Variants in ENAH observed in about 807,000 individuals in gnomAD.
ENAH encodes the protein ENAH actin regulator, also known as protein enabled homolog.
Under a neutral mutation model 78.7 loss-of-function variants are expected in ENAH, and 23 were observed. That is an observed-to-expected ratio of 0.29 (90% confidence interval 0.21 to 0.41). The LOEUF (loss-of-function observed/expected upper bound fraction) is 0.41, where lower values mean the gene tolerates loss of function less well. ENAH is among the 10% of genes least tolerant of loss of function. ENAH has a pLI of 1.00. For missense variants in ENAH, 544 were observed against 691.0 expected (o/e 0.79, Z 2.39); for synonymous variants, 226 against 241.0 (o/e 0.94, Z 0.58).
rs1368051483 is a variant in ENAH at position 225,496,729 on chromosome 1, T to A, written c.*1046A>T. The A allele has an allele frequency of 6.6e-5, 10 of 152,042 alleles. No individual in the cohort carries two copies. Among genetic ancestry groups the A allele is most frequent in the Admixed American group, 5.9e-4 (9 of 15,244 alleles). The allele number at this position is 152,042 out of a possible 1,614,324, so 9.4% of individuals were successfully genotyped here. A position where few individuals can be genotyped will look rare whatever the true frequency, so the allele number is the denominator to read the frequency against. On this transcript the variant is annotated 3_prime_UTR_variant, in exon 14 of 14. Transcript: ENST00000366843. ...AATTAAAGTCACAAAATATTTCTCA[T>A]TATTTATTCATGCAGGTAACTGAGA...
In ENAH at chr1:225,641,117, C is replaced by T. The variant is rs181505500; in HGVS notation, c.5+11569G>A. ...TGACCTCGTGATCCACCCGCCTCAGCCTCCCAAAGTGCTGGGATTACAGGC... is the reference window on the plus strand; with the variant it reads ...TGACCTCGTGATCCACCCGCCTCAGTCTCCCAAAGTGCTGGGATTACAGGC... On this transcript the variant is annotated intron_variant, in intron 1 of 13. Coordinates refer to ENST00000366843, the MANE Select transcript of ENAH (RefSeq NM_018212.6). Among the ~76,000 whole-genome samples, 427 of 151,930 alleles carry T rather than the reference C, an allele frequency of 2.8e-3. 1 individual carries two copies. Among genetic ancestry groups the T allele is most frequent in the African/African-American group, 9.5e-3 (394 of 41,460 alleles).
At chr1:225,644,292 AATTG>A (rs1661572203) in intron 1 of ENAH, among the ~76,000 whole-genome samples, 1 of 152,218 alleles carries the variant, frequency 6.6e-6, no homozygotes. Context: ...GGACAACAGT[AATTG>A]ATTTATTTTT....
chr1:225,548,189 T>C (rs1311935209), intron 3 of ENAH, among the ~76,000 whole-genome samples: 2 of 148,896 alleles, frequency 1.3e-5, no homozygotes, highest in African/African-American at 4.9e-5. Context: ...TCTAAGTTAA[T>C]CCATATAGAA....
chr1:225,646,705 T>C (rs950802111), intron 1 of ENAH, among the ~76,000 whole-genome samples: 1 of 151,152 alleles, frequency 6.6e-6, no homozygotes, highest in African/African-American at 2.4e-5. Flanking sequence ...AGGAGAATGG[T>C]GTGAACCCGG....
At chr1:225,606,026 T>G (rs2148056128) in intron 1 of ENAH, among the ~76,000 whole-genome samples, 1 of 152,268 alleles carries the variant, frequency 6.6e-6, no homozygotes, top group African/African-American at 2.4e-5. Context: ...AACCTAAACC[T>G]CACATTCCCC....
Position 225,574,558 on chromosome 1 carries a change from C to T in ENAH, c.6-7144G>A, listed in dbSNP as rs533491769. ...CAGAGGTTGCCGTGAGCCAACAGTA[C>T]GCCACTGCACTCCAGCCTGGGTGAC... On this transcript the variant is annotated intron_variant, in intron 1 of 13. Transcript: ENST00000366843. Among the ~76,000 whole-genome samples the T allele has an allele frequency of 2.4e-4, 37 of 151,666 alleles. No homozygotes were observed. In the South Asian group the frequency reaches 6.7e-3, roughly 27 times the overall value.
intron 6 of ENAH, among the ~76,000 whole-genome samples, chr1:225,516,818 G>A (rs2096421402): frequency 1.3e-5 from 2 of 150,928 alleles, no homozygotes; most frequent in Admixed American, 1.3e-4. Context: ...AGGTTGCAGT[G>A]AGCTGAGATC....
intron 1 of ENAH, among the ~76,000 whole-genome samples, chr1:225,629,747 CA>C (rs994495691): frequency 1.3e-5 from 2 of 152,146 alleles, no homozygotes; most frequent in African/African-American, 4.8e-5. Context: ...TGACTCCTTG[CA>C]ATGTTTTTCT....
intron 1 of ENAH, among the ~76,000 whole-genome samples, chr1:225,585,511 G>T (rs188793978): frequency 5.3e-5 from 8 of 152,174 alleles, no homozygotes; most frequent in African/African-American, 1.9e-4. Context: ...AAATTGCCCA[G>T]GTGCAGTGGC....
chr1:225,506,179 G>C (rs1171077881), intron 11 of ENAH, among the ~76,000 whole-genome samples: 2 of 152,116 alleles, frequency 1.3e-5, no homozygotes, highest in Non-Finnish European at 2.9e-5. Context: ...GTGAAATGCA[G>C]ATCAATGAAG....
At chr1:225,540,209 C>T (rs1255885235) in intron 3 of ENAH, among the ~76,000 whole-genome samples, 1 of 151,950 alleles carries the variant, frequency 6.6e-6, no homozygotes, top group Non-Finnish European at 1.5e-5. Flanking sequence ...AGAAAATAAA[C>T]CTGGAATAGC....
intron 3 of ENAH, among the ~76,000 whole-genome samples, chr1:225,535,348 A>G (rs2096556598): frequency 6.6e-6 from 1 of 152,180 alleles, no homozygotes; most frequent in Admixed American, 6.5e-5. Flanking sequence ...CAAATCACCT[A>G]CATGAACCAC....
At chr1:225,580,524 TAC>T (rs2096810872) in intron 1 of ENAH, among the ~76,000 whole-genome samples, 1 of 152,082 alleles carries the variant, frequency 6.6e-6, no homozygotes, top group African/African-American at 2.4e-5. Flanking sequence ...GTGTAATAAA[TAC>T]GTGACGTTTT....
At chr1:225,645,806 A>G (rs1661852586) in intron 1 of ENAH, among the ~76,000 whole-genome samples, 1 of 152,202 alleles carries the variant, frequency 6.6e-6, no homozygotes, top group Admixed American at 6.5e-5. Flanking sequence ...TTTATAACCC[A>G]CTCAAAAATA....
chr1:225,580,271 C>T (rs1407355376), intron 1 of ENAH: 2 of 152,012 alleles, frequency 1.3e-5, no homozygotes, highest in African/African-American at 2.4e-5. Context: ...TAGCTTGCCA[C>T]CACCTTATGG....
intron 11 of ENAH, among the ~76,000 whole-genome samples, chr1:225,501,693 A>G (rs1202177468): frequency 6.6e-6 from 1 of 152,216 alleles, no homozygotes; most frequent in Non-Finnish European, 1.5e-5. Context: ...TGAAATTTTT[A>G]TGGAGACGTC....
chr1:225,501,218 G>A, intron 11 of ENAH, 148 bp from the exon 12 acceptor site: 1 of 559,900 alleles, frequency 1.8e-6, no homozygotes, highest in African/African-American at 1.9e-5. Context: ...AAAATTGTAG[G>A]GCTGATTAGA....
In ENAH at chr1:225,496,809, C is replaced by CGGGA. The variant is rs1215334957; in HGVS notation, c.*965_*966insTCCC. 1 of 152,586 alleles carries CGGGA rather than the reference C, an allele frequency of 6.6e-6. No individual in the cohort carries two copies. Among genetic ancestry groups the CGGGA allele is most frequent in the Admixed American group, 6.5e-5 (1 of 15,278 alleles). The allele number at this position is 152,586 out of a possible 1,614,324, so 9.5% of individuals were successfully genotyped here. ...AAAAAATTATTCCTCCCCTTCCTCCCACTCCCCTATACTCTACAAAATGTT... is the reference window on the plus strand; with the variant it reads ...AAAAAATTATTCCTCCCCTTCCTCCCGGGAACTCCCCTATACTCTACAAAATGTT... On this transcript the variant is annotated 3_prime_UTR_variant, in exon 14 of 14. Transcript: ENST00000366843.
chr1:225,504,182 T>TA (rs1389963792), intron 11 of ENAH, among the ~76,000 whole-genome samples: 1 of 151,956 alleles, frequency 6.6e-6, no homozygotes, highest in Non-Finnish European at 1.5e-5. Context: ...AATTTTTTTT[T>TA]ATTTTTTGTA....
Sources: allele counts gnomAD v4.1 joint callset (sites outside exome capture counted in the v4.1 genomes callset), GRCh38; gene constraint gnomAD v4.1.1; transcripts MANE v1.5; gene names NCBI Gene and HGNC (gene_info 2026-07-23, HGNC 2026-07-21).